TGM5: variants seen among roughly 807,000 people sequenced by gnomAD.
TGM5 encodes the protein transglutaminase 5.
A neutral mutation model predicts 77.2 loss-of-function variants in TGM5; 69 were observed. The observed-to-expected ratio is 0.89, with a 90% CI of 0.74 to 1.09. The LOEUF is 1.09. Ranked by LOEUF, TGM5 falls within the 50% of genes least tolerant of loss-of-function variation. The pLI is 0.00. For missense variants in TGM5, 842 were observed against 896.5 expected, an observed-to-expected ratio of 0.94 and a Z score of 0.78; for synonymous variants, 346 against 351.8, an observed-to-expected ratio of 0.98 and a Z score of 0.18.
At chr15:43,253,390 A>G in intron 5 of TGM5, 116 bp downstream of exon 5, 2 of 1,462,202 alleles carry the variant, frequency 1.4e-6, no homozygotes, top group Non-Finnish European at 1.9e-6. Flanking sequence ...CGTCAGTCTC[A>G]TCCAAGATGG....
At chr15:43,264,331 T>C (rs2142387606) in intron 1 of TGM5, among the ~76,000 whole-genome samples, 1 of 151,968 alleles carries the variant, frequency 6.6e-6, no homozygotes. Context: ...ACCTGAAAAA[T>C]GGTAGCAGTA....
In TGM5 at chr15:43,233,607, G is replaced by T. The variant is rs756905117; in HGVS notation, c.1956C>A (p.Asp652Glu). ...CACTTCCTTCCACAGTCAGCACACAGTCCTCAACCTGCTCCGAGAGGGGGT... is the reference window on the plus strand; with the variant it reads ...CACTTCCTTCCACAGTCAGCACACATTCCTCAACCTGCTCCGAGAGGGGGT... The part of the protein sequence containing the change: ...FSNPLSEQVE[D>E]CVLTVEGSGL... The change falls in exon 12 of 13, where the codon GAC becomes GAA. Residue 652 changes from aspartate (D) to glutamate (E), a missense_variant. Around this residue, in one of 2 missense-constraint regions of TGM5, gnomAD observed 815 missense variants for 844.6 expected, o/e 0.96. Coordinates refer to ENST00000220420, the MANE Select transcript of TGM5 (RefSeq NM_201631.4). The T allele has an allele frequency of 1.7e-5, 27 of 1,614,218 alleles. No homozygotes were observed. Among genetic ancestry groups the T allele is most frequent in the Non-Finnish European group, 1.8e-5 (21 of 1,180,038 alleles).
intron 4 of TGM5, among the ~76,000 whole-genome samples, chr15:43,253,936 T>C (rs1243441473): frequency 1.3e-5 from 2 of 151,272 alleles, no homozygotes; most frequent in Non-Finnish European, 2.9e-5. Context: ...AAAAGGCTCC[T>C]CCTCTCCTCT....
rs149301291 is a variant in TGM5, at chr15:43,235,676, C to T, written c.1507G>A (p.Asp503Asn). 3 of 1,614,054 alleles carry T rather than the reference C, an allele frequency of 1.9e-6. No homozygotes were observed. Among genetic ancestry groups the T allele is most frequent in the African/African-American group, 2.7e-5 (2 of 74,912 alleles). ...AATTTCAGGGAGACTTGCACCACAT[C>T]ACTGGGTCGAAGGGAAGGTGTATGC... is the stretch of plus-strand genomic sequence containing the variant. ...SLHTPSLRPS[D>N]VVQVSLKFKL... The change falls in exon 10 of 13, where the codon GAT becomes AAT. Residue 503 changes from aspartate (D) to asparagine (N), a missense_variant. Around this residue, in one of 2 missense-constraint regions of TGM5, gnomAD observed 815 missense variants for 844.6 expected, o/e 0.96. Coordinates refer to ENST00000220420, the MANE Select transcript of TGM5 (RefSeq NM_201631.4).
intron 6 of TGM5, chr15:43,247,683 G>A (rs901717108): frequency 7.3e-5 from 11 of 150,186 alleles, no homozygotes; most frequent in Admixed American, 2.6e-4. Context: ...AAATACACAC[G>A]GGTCCAAGTG....
chr15:43,256,805 G>T (rs1183721135), intron 3 of TGM5, 119 bp from the exon 4 acceptor site: 4 of 773,792 alleles, frequency 5.2e-6, no homozygotes, highest in South Asian at 2.7e-5. Context: ...GCGACACCAA[G>T]AGGGGCACGA....
Position 43,260,455 on chromosome 15 carries a change from G to C in TGM5, c.135C>G (p.Phe45Leu). Residue 45 changes from phenylalanine (F) to leucine (L), a missense_variant, in exon 2 of 13, where the codon TTC (phenylalanine) becomes TTG (leucine). Phe to Leu is a conservative substitution (Grantham distance 22). This residue lies in a region of TGM5 where 815 missense variants were observed against 844.6 expected (regional missense o/e 0.96). Transcript: ENST00000220420. ...GGCCTGGCTGGAAGCTCCGGTTCCT[G>C]AAGTACAGGGTGAGGTTGAAGGCCT... ...RGQAFNLTLY[F>L]RNRSFQPGLD... 1 of 1,614,228 alleles carries C rather than the reference G, an allele frequency of 6.2e-7. No individual in the cohort carries two copies. The highest frequency in any genetic ancestry group is 8.5e-7 in the Non-Finnish European group (1 of 1,180,044).
chr15:43,235,025 C>T lies in TGM5; in HGVS notation c.1715-96G>A, dbSNP rs1351273089. ...CTCTCTTCCACAGAGAAGAGAAAGT[C>T]AACAAGTACCAAATCCCAGGGAAGC... On this transcript the variant is annotated intron_variant, in intron 10 of 12. Coordinates refer to ENST00000220420, the MANE Select transcript of TGM5 (RefSeq NM_201631.4). 3 of 1,458,612 alleles carry T rather than the reference C, an allele frequency of 2.1e-6. No individual in the cohort carries two copies. The East Asian group carries it at 6.9e-5, about 34-fold the overall frequency. The allele number at this position is 1,458,612 out of a possible 1,614,324, so 90.4% of individuals were successfully genotyped here. A position where few individuals can be genotyped will look rare whatever the true frequency, so the allele number is the denominator to read the frequency against.
At chr15:43,241,998 C>A (rs1329476504) in intron 6 of TGM5, among the ~76,000 whole-genome samples, 1 of 152,126 alleles carries the variant, frequency 6.6e-6, no homozygotes, top group Admixed American at 6.5e-5. Context: ...GATTCCTGTC[C>A]CTTCATGTCC....
intron 1 of TGM5, 151 bp from the exon 2 acceptor site, chr15:43,260,730 A>G (rs747848973): frequency 1.2e-6 from 1 of 818,836 alleles, no homozygotes; most frequent in South Asian, 1.4e-5. Flanking sequence ...TCAGCCTGCC[A>G]GGATGAGGAT....
intron 1 of TGM5, among the ~76,000 whole-genome samples, chr15:43,266,050 T>A (rs1022288283): frequency 3.3e-5 from 5 of 152,214 alleles, no homozygotes; most frequent in African/African-American, 9.7e-5. Context: ...AAAAGACAGG[T>A]AACAGTGTTT....
At chr15:43,266,093 G>A (rs559343563) in intron 1 of TGM5, among the ~76,000 whole-genome samples, 2 of 152,290 alleles carry the variant, frequency 1.3e-5, no homozygotes, top group African/African-American at 2.4e-5. Flanking sequence ...TGGGGATGGC[G>A]GGCAGAGGAC....
Position 43,265,014 on chromosome 15 carries a change from TGTACGTA to T in TGM5, c.10+1819_10+1825del, listed in dbSNP as rs148538137. The stretch of plus-strand genomic sequence containing the variant: ...TTCTCTATCTTTTGCAAAATCACCC[TGTACGTA>T]TTTCAGATTTCAGATTTAATCAACA... On this transcript the variant is annotated intron_variant, in intron 1 of 12. Coordinates refer to ENST00000220420, the MANE Select transcript of TGM5 (RefSeq NM_201631.4). 3.8e-3 allele frequency among the ~76,000 whole-genome samples: 578 copies of T among 152,346 alleles called. 14 individuals are homozygous for T. In the East Asian group the frequency reaches 0.071, roughly 19 times the overall value.
Position 43,260,456 on chromosome 15 carries a change from A to C in TGM5, c.134T>G (p.Phe45Cys), listed in dbSNP as rs1220699187. ...GCCTGGCTGGAAGCTCCGGTTCCTG[A>C]AGTACAGGGTGAGGTTGAAGGCCTG... is the stretch of plus-strand genomic sequence containing the variant. ...RGQAFNLTLY[F>C]RNRSFQPGLD... is the part of the protein sequence containing the mutation. The change falls in exon 2 of 13, where the codon TTC (phenylalanine) becomes TGC (cysteine). Residue 45 changes from phenylalanine to cysteine, a missense_variant. By Grantham distance (205) the Phe-to-Cys change is radical. Transcript: ENST00000220420. 1 of 1,614,158 alleles carries C rather than the reference A, an allele frequency of 6.2e-7. No individual in the cohort carries two copies. Among genetic ancestry groups the C allele is most frequent in the Non-Finnish European group, 8.5e-7 (1 of 1,180,018 alleles).
intron 7 of TGM5, 55 bp downstream of exon 7, chr15:43,240,797 T>C (rs2042629764): frequency 6.2e-7 from 1 of 1,609,766 alleles, no homozygotes; most frequent in Non-Finnish European, 8.5e-7. Context: ...CCTCCTGCCA[T>C]GGGGCTTGGC....
At chr15:43,243,539 T>G (rs1353053251) in intron 6 of TGM5, among the ~76,000 whole-genome samples, 2 of 152,182 alleles carry the variant, frequency 1.3e-5, no homozygotes, top group South Asian at 4.1e-4. Context: ...AATGGTTTCT[T>G]ACATAGGGGG....
chr15:43,263,712 G>A (rs772786644), intron 1 of TGM5, among the ~76,000 whole-genome samples: 4 of 152,174 alleles, frequency 2.6e-5, no homozygotes, highest in Admixed American at 6.5e-5. Flanking sequence ...TGAAACTCCT[G>A]GAAGAAAACA....
chr15:43,247,088 G>A (rs1168635441), intron 6 of TGM5, among the ~76,000 whole-genome samples: 3 of 151,408 alleles, frequency 2.0e-5, no homozygotes, highest in South Asian at 2.1e-4. Context: ...AACCTGGTAG[G>A]TGGAGGTTGC....
At chr15:43,253,164 C>T (rs2042717975) in intron 5 of TGM5, among the ~76,000 whole-genome samples, 1 of 152,200 alleles carries the variant, frequency 6.6e-6, no homozygotes, top group Non-Finnish European at 1.5e-5. Flanking sequence ...CTACCCCTTA[C>T]CCATGTCCTC....
Sources: gnomAD v4.1 joint callset for allele counts (sites outside exome capture counted in the v4.1 genomes callset) on GRCh38, gnomAD v4.1.1 for gene constraint, gnomAD v4.1.1 regional missense constraint, MANE v1.5 for transcripts, NCBI Gene and HGNC (gene_info 2026-07-23, HGNC 2026-07-21) for gene names.